POFUT3: variants seen among roughly 807,000 people sequenced by gnomAD.
POFUT3 encodes protein O-fucosyltransferase 3, also known as GDP-fucose protein O-fucosyltransferase 3.
the POFUT3 span, among the ~76,000 whole-genome samples, chr8:33,457,002 C>T: frequency 2.6e-5 from 4 of 151,988 alleles, no homozygotes; most frequent in South Asian, 4.1e-4. Flanking sequence ...ATCTTTTGAC[C>T]TCATGATCCA....
the POFUT3 span, among the ~76,000 whole-genome samples, chr8:33,379,039 G>A: frequency 6.6e-6 from 1 of 151,938 alleles, no homozygotes; most frequent in Admixed American, 6.6e-5. Flanking sequence ...GAGTTCTCAC[G>A]AGATCTGATG....
the POFUT3 span, among the ~76,000 whole-genome samples, chr8:33,403,557 A>C: frequency 1.3e-5 from 2 of 152,018 alleles, no homozygotes; most frequent in African/African-American, 4.8e-5. Flanking sequence ...CTCTACAAAA[A>C]AATTTTTGAA....
the POFUT3 span, chr8:33,460,716 T>G: frequency 1.2e-4 from 119 of 984,942 alleles, no homozygotes; most frequent in Non-Finnish European, 1.4e-4. Flanking sequence ...ACTCACCTTC[T>G]ATTTCAATGA....
the POFUT3 span, among the ~76,000 whole-genome samples, chr8:33,410,758 G>A: frequency 6.6e-6 from 1 of 152,072 alleles, no homozygotes. Flanking sequence ...AAAGTTATTG[G>A]GTTGACTCTT....
chr8:33,422,545 C>CAAA, the POFUT3 span, among the ~76,000 whole-genome samples: 167 of 37,104 alleles, frequency 4.5e-3, 31 homozygotes, highest in Middle Eastern at 0.028. Context: ...AACTCTGTCT[C>CAAA]AAAAAAAAAA....
At chr8:33,333,044 T>A in the POFUT3 span, among the ~76,000 whole-genome samples, 1 of 152,170 alleles carries the variant, frequency 6.6e-6, no homozygotes, top group African/African-American at 2.4e-5. Flanking sequence ...ACAAGATAGA[T>A]CAGCTATTTT....
At chr8:33,429,614 G>A in the POFUT3 span, among the ~76,000 whole-genome samples, 2 of 151,978 alleles carry the variant, frequency 1.3e-5, no homozygotes, top group Non-Finnish European at 2.9e-5. Context: ...GGAAGAGACA[G>A]ACACAAAAAG....
chr8:33,436,002 G>A, the POFUT3 span, among the ~76,000 whole-genome samples: 3 of 152,160 alleles, frequency 2.0e-5, no homozygotes, highest in Admixed American at 6.5e-5. Flanking sequence ...GCAGGGAGGA[G>A]ACAGCACAGC....
At chr8:33,348,413 A>G in the POFUT3 span, among the ~76,000 whole-genome samples, 2 of 152,188 alleles carry the variant, frequency 1.3e-5, no homozygotes, top group Non-Finnish European at 2.9e-5. Context: ...TCAACCAAAA[A>G]AAAAGTCAGA....
At chr8:33,457,006 T>C in the POFUT3 span, among the ~76,000 whole-genome samples, 111 of 152,170 alleles carry the variant, frequency 7.3e-4, no homozygotes, top group Admixed American at 1.4e-3. Flanking sequence ...TTTGACCTCA[T>C]GATCCACCCA....
the POFUT3 span, among the ~76,000 whole-genome samples, chr8:33,335,834 T>G: frequency 6.6e-6 from 1 of 152,180 alleles, no homozygotes; most frequent in Non-Finnish European, 1.5e-5. Context: ...AAGTGAATCA[T>G]CATAAAGGTC....
the POFUT3 span, among the ~76,000 whole-genome samples, chr8:33,415,932 T>G: frequency 6.6e-6 from 1 of 152,198 alleles, no homozygotes; most frequent in African/African-American, 2.4e-5. Flanking sequence ...GTTTTTTTAG[T>G]GCCTTACTCT....
At chr8:33,426,257 A>G in the POFUT3 span, among the ~76,000 whole-genome samples, 1 of 152,188 alleles carries the variant, frequency 6.6e-6, no homozygotes, top group Non-Finnish European at 1.5e-5. Flanking sequence ...CTGCCCATAT[A>G]TGAAGTATTA....
the POFUT3 span, among the ~76,000 whole-genome samples, chr8:33,437,333 G>A: frequency 6.6e-6 from 1 of 150,728 alleles, no homozygotes; most frequent in Non-Finnish European, 1.5e-5. Context: ...CCCTAGCTAA[G>A]ACAGAGAGAA....
At chr8:33,434,864 C>G in the POFUT3 span, among the ~76,000 whole-genome samples, 1 of 152,324 alleles carries the variant, frequency 6.6e-6, no homozygotes, top group African/African-American at 2.4e-5. Flanking sequence ...GGGGTCTTCC[C>G]TGCCACTGCC....
At chr8:33,333,829 G>A in the POFUT3 span, among the ~76,000 whole-genome samples, 1 of 152,242 alleles carries the variant, frequency 6.6e-6, no homozygotes, top group East Asian at 1.9e-4. Context: ...AATCAGACCA[G>A]GGTTCTAAGA....
the POFUT3 span, among the ~76,000 whole-genome samples, chr8:33,467,545 C>T: frequency 6.6e-6 from 1 of 152,078 alleles, no homozygotes; most frequent in African/African-American, 2.4e-5. Flanking sequence ...AATGGACTCT[C>T]ACTCACCAAT....
At chr8:33,452,846 CATTAT>C in the POFUT3 span, 2 of 202,144 alleles carry the variant, frequency 9.9e-6, no homozygotes, top group Admixed American at 1.1e-4. Context: ...CATAAATGCC[CATTAT>C]ATTATCTATA....
At chr8:33,380,025 A>ACTATATATAG in the POFUT3 span, among the ~76,000 whole-genome samples, 1 of 84,622 alleles carries the variant, frequency 1.2e-5, no homozygotes, top group African/African-American at 5.9e-5. Context: ...GTATATATAT[A>ACTATATATAG]TACTATATAT....
Sources: gnomAD v4.1 joint callset for allele counts (sites outside exome capture counted in the v4.1 genomes callset) on GRCh38, gnomAD v4.1.1 for gene constraint, MANE v1.5 for transcripts, NCBI Gene and HGNC (gene_info 2026-07-23, HGNC 2026-07-21) for gene names.